The following CPNE9 variants were observed in gnomAD, a reference collection of about 807,000 sequenced individuals.
CPNE9 encodes the protein copine family member 9, also known as copine-9.
Under a neutral mutation model 83.0 loss-of-function variants are expected in CPNE9, and 59 were observed. The observed-to-expected ratio is 0.71, with a 90% CI of 0.58 to 0.88. CPNE9 has a LOEUF of 0.88. Among genes scored for constraint, CPNE9 ranks in the 40% least tolerant of loss-of-function variants. The pLI, the probability that CPNE9 is intolerant of heterozygous loss-of-function variation, is 0.00. For synonymous variants in CPNE9, 256 were observed against 273.4 expected (o/e 0.94, Z 0.63); for missense variants, 619 against 720.8 (o/e 0.86, Z 1.62).
chr3:9,706,413 C>T (rs973140917), intron 7 of CPNE9, among the ~76,000 whole-genome samples: 3 of 152,282 alleles, frequency 2.0e-5, no homozygotes, highest in East Asian at 1.9e-4. Context: ...ATTACCATTA[C>T]ATCCACTCAC....
At chr3:9,717,917 T>C (rs2076699138) in intron 15 of CPNE9, 112 bp from the exon 16 acceptor site, 8 of 838,696 alleles carry the variant, frequency 9.5e-6, no homozygotes, top group Non-Finnish European at 1.5e-5. Flanking sequence ...AGGGAGGACA[T>C]GGGTAGAGGG....
chr3:9,708,695 A>G (rs967929812), intron 7 of CPNE9, among the ~76,000 whole-genome samples: 3 of 131,684 alleles, frequency 2.3e-5, no homozygotes, highest in Non-Finnish European at 4.7e-5. Flanking sequence ...TGCAGTGGGG[A>G]GATCTCGGCT....
chr3:9,728,269 C>G (rs1253416103), intron 20 of CPNE9, among the ~76,000 whole-genome samples: 1 of 152,222 alleles, frequency 6.6e-6, no homozygotes, highest in Non-Finnish European at 1.5e-5. Flanking sequence ...AGGAGGGCCT[C>G]TTGAGACCAG....
chr3:9,704,708 G>C lies in CPNE9; in HGVS notation c.110-41G>C. The C allele has an allele frequency of 1.9e-6, 3 of 1,611,718 alleles. No individual in the cohort carries two copies. Among genetic ancestry groups the C allele is most frequent in the Admixed American group, 3.3e-5 (2 of 60,018 alleles). ...CGGGTGGAGTCGGGGCCAGGGGTGG[G>C]AGCCGACCTGACGTCCTTCCCTCCC... On this transcript the variant is annotated intron_variant, in intron 2 of 20. Coordinates refer to ENST00000383832, the MANE Select transcript of CPNE9 (RefSeq NM_153635.3). The surrounding 1 kb of genome is among the most constrained non-coding windows in gnomAD (Gnocchi z 7.1).
At chr3:9,712,182 C>T (rs781070791) in intron 7 of CPNE9, among the ~76,000 whole-genome samples, 2 of 152,178 alleles carry the variant, frequency 1.3e-5, no homozygotes, top group African/African-American at 4.8e-5. Context: ...CTGTTCACAG[C>T]CCTGACAAGT....
chr3:9,721,062 T>C (rs567413033), intron 17 of CPNE9, among the ~76,000 whole-genome samples: 3 of 152,332 alleles, frequency 2.0e-5, no homozygotes, highest in African/African-American at 7.2e-5. Flanking sequence ...CTATTACTGT[T>C]ACTATTATTA....
chr3:9,712,603 G>T lies in CPNE9; in HGVS notation c.440G>T (p.Arg147Leu). 6.2e-7 allele frequency: 1 copy of T among 1,613,750 alleles called. No homozygotes were observed. The highest frequency in any genetic ancestry group is 8.5e-7 in the Non-Finnish European group (1 of 1,179,694). The change falls in exon 8 of 21, where the codon CGG becomes CTG. Residue 147 changes from arginine to leucine, a missense_variant and splice_region_variant. Transcript: ENST00000383832. ...LLTAEELSNC[R>L]DIATMQLCAN... ...ACTGCAGAAGAGCTTAGCAATTGTC[G>T]GGTCAGTAAGGGCCACATGCTAGAC...
Position 9,704,458 on chromosome 3 carries a change from TG to T in CPNE9, c.69-124del. ...GAGTGCTGACAGAGCGGACCCCGGCTGGGGGTAGCCATGGGGGACAGAGGTT... is the reference window on the plus strand; with the variant it reads ...GAGTGCTGACAGAGCGGACCCCGGCTGGGGTAGCCATGGGGGACAGAGGTT... On this transcript the variant is annotated intron_variant, in intron 1 of 20. Coordinates refer to ENST00000383832, the MANE Select transcript of CPNE9 (RefSeq NM_153635.3). The surrounding 1 kb of genome is among the most constrained non-coding windows in gnomAD (Gnocchi z 7.1). 2 of 832,294 alleles carry T rather than the reference TG, an allele frequency of 2.4e-6. No individual in the cohort carries two copies. Among genetic ancestry groups the T allele is most frequent in the Admixed American group, 1.7e-5 (1 of 58,210 alleles). The allele number at this position is 832,294 out of a possible 1,614,324, so 51.6% of individuals were successfully genotyped here.
intron 10 of CPNE9, 94 bp downstream of exon 10, chr3:9,713,173 T>C: frequency 1.0e-6 from 1 of 968,668 alleles, no homozygotes; most frequent in African/African-American, 1.6e-5. Context: ...CATAATAGCG[T>C]TGGAGGGTCC....
chr3:9,705,142 C>A, intron 4 of CPNE9, 148 bp downstream of exon 4: 1 of 688,240 alleles, frequency 1.5e-6, no homozygotes, highest in Non-Finnish European at 2.6e-6. Context: ...AGCCTGAGCC[C>A]TGCCCTTTTA....
rs1304553886 is a variant in CPNE9, at chr3:9,704,950, C to T, written c.216C>T (p.Val72=). ...ACCCAGACTTCGTGCGCAAATTCGT[C>T]CTCGACTATTTCTTTGAGGAAAAGC... ...TLNPDFVRKF[V]LDYFFEEKQN... The change falls in exon 4 of 21, where the codon GTC becomes GTT. Residue 72 remains valine, a synonymous_variant. Coordinates refer to ENST00000383832, the MANE Select transcript of CPNE9 (RefSeq NM_153635.3). This position sits in a 1 kb window ranked among gnomAD's most constrained non-coding sequence, Gnocchi z 7.1. 6.2e-7 allele frequency: 1 copy of T among 1,613,288 alleles called. No homozygotes were observed. Among genetic ancestry groups the T allele is most frequent in the African/African-American group, 1.3e-5 (1 of 74,890 alleles).
At chr3:9,727,002 C>A in intron 19 of CPNE9, 111 bp from the exon 20 acceptor site, 2 of 1,116,662 alleles carry the variant, frequency 1.8e-6, no homozygotes, top group South Asian at 1.3e-5. Context: ...AGGACTTGAT[C>A]ACAAGCATTA....
intron 10 of CPNE9, among the ~76,000 whole-genome samples, chr3:9,713,673 TG>T (rs1338648994): frequency 1.3e-5 from 2 of 152,130 alleles, no homozygotes; most frequent in Middle Eastern, 3.4e-3. Context: ...GATGAATAGA[TG>T]GCAAATGGAT....
In CPNE9 at chr3:9,712,962, C is replaced by T. The variant is rs2076644439; in HGVS notation, c.546-13C>T. 6.2e-7 allele frequency: 1 copy of T among 1,608,992 alleles called. No homozygotes were observed. The highest frequency in any genetic ancestry group is 8.5e-7 in the Non-Finnish European group (1 of 1,175,330). On this transcript the variant is annotated splice_polypyrimidine_tract_variant and intron_variant, in intron 9 of 20. Transcript: ENST00000383832. ...CGAGATAAATTATACCAATTCTTCC[C>T]ACTCCCCTCCAGGTTCACCATCTGC... is the stretch of plus-strand genomic sequence containing the variant.
intron 17 of CPNE9, among the ~76,000 whole-genome samples, chr3:9,725,484 G>A (rs1451872115): frequency 2.6e-5 from 4 of 151,438 alleles, no homozygotes; most frequent in African/African-American, 9.7e-5. Context: ...GCAGTGAGCC[G>A]AGATCACACC....
chr3:9,704,459 G>C lies in CPNE9; in HGVS notation c.69-128G>C. 1 of 834,376 alleles carries C rather than the reference G, an allele frequency of 1.2e-6. No individual in the cohort carries two copies. The highest frequency in any genetic ancestry group is 1.3e-5 in the South Asian group (1 of 74,348). 51.7% of individuals were successfully genotyped at this position (834,376 alleles called of 1,614,324 possible). ...AGTGCTGACAGAGCGGACCCCGGCTGGGGGTAGCCATGGGGGACAGAGGTT... is the reference window on the plus strand; with the variant it reads ...AGTGCTGACAGAGCGGACCCCGGCTCGGGGTAGCCATGGGGGACAGAGGTT... On this transcript the variant is annotated intron_variant, in intron 1 of 20. Coordinates refer to ENST00000383832, the MANE Select transcript of CPNE9 (RefSeq NM_153635.3). This position sits in a 1 kb window ranked among gnomAD's most constrained non-coding sequence, Gnocchi z 7.1.
chr3:9,726,610 T>A lies in CPNE9; in HGVS notation c.1345-55T>A, dbSNP rs372515963. 1.7e-5 allele frequency: 23 copies of A among 1,385,706 alleles called. No individual in the cohort carries two copies. The African/African-American group carries it at 3.1e-4, about 19-fold the overall frequency. 85.8% of individuals were successfully genotyped at this position (1,385,706 alleles called of 1,614,324 possible). On this transcript the variant is annotated intron_variant, in intron 18 of 20. Transcript: ENST00000383832. ...TACACAGAGAACTGTCTCCCAACAG[T>A]CACCTCCCTAGTGATGCCTGCTTGC...
intron 17 of CPNE9, among the ~76,000 whole-genome samples, chr3:9,722,160 A>ACCT (rs2076739923): frequency 7.6e-6 from 1 of 132,036 alleles, no homozygotes; most frequent in Non-Finnish European, 1.6e-5. Flanking sequence ...CAGGTGATCC[A>ACCT]CCCCCCCCCG....
chr3:9,713,485 G>T (rs960158296), intron 10 of CPNE9, among the ~76,000 whole-genome samples: 1 of 152,156 alleles, frequency 6.6e-6, no homozygotes, highest in African/African-American at 2.4e-5. Context: ...GGACTGATGG[G>T]TGGGTTTGTG....
Sources: gnomAD v4.1 joint callset for allele counts (sites outside exome capture counted in the v4.1 genomes callset) on GRCh38, gnomAD v4.1.1 for gene constraint, Gnocchi (gnomAD v3.1) non-coding constraint, MANE v1.5 for transcripts, NCBI Gene and HGNC (gene_info 2026-07-23, HGNC 2026-07-21) for gene names.